The following ZNF558 variants were observed in gnomAD, a reference collection of about 807,000 sequenced individuals.
The protein encoded by ZNF558 is zinc finger protein 558.
A neutral mutation model predicts 37.6 loss-of-function variants in ZNF558; 23 were observed. The ratio of observed to expected loss-of-function variants is 0.61; its 90% confidence interval spans 0.44 to 0.87. The LOEUF is 0.87. Ranked by LOEUF, ZNF558 falls within the 40% of genes least tolerant of loss-of-function variation. The pLI is 0.00. For synonymous variants in ZNF558, 189 were observed against 174.4 expected, an observed-to-expected ratio of 1.08 and a Z score of -0.66; for missense variants, 429 against 483.7, an observed-to-expected ratio of 0.89 and a Z score of 1.06.
chr19:8,819,339 CCTGG>C (rs2044023953), intron 7 of ZNF558, among the ~76,000 whole-genome samples: 1 of 152,094 alleles, frequency 6.6e-6, no homozygotes, highest in African/African-American at 2.4e-5. Flanking sequence ...TGCCACCACG[CCTGG>C]CTAATTTTTG....
In ZNF558 at chr19:8,811,901, T is replaced by C. The variant is rs201554804; in HGVS notation, c.589A>G (p.Ile197Val). 11 of 1,614,044 alleles carry C rather than the reference T, an allele frequency of 6.8e-6. No homozygotes were observed. Among genetic ancestry groups the C allele is most frequent in the Admixed American group, 1.7e-5 (1 of 60,006 alleles). ...KSFSSRSYLTIHKRIHNGEKP... is the reference protein window; with the variant it reads ...KSFSSRSYLTVHKRIHNGEKP... ...TCCCCATTATGGATTCTCTTATGAA[T>C]AGTAAGGTAAGATCTGCTACTGAAG... The change falls in exon 10 of 10, where the codon ATT becomes GTT. Residue 197 changes from isoleucine to valine, a missense_variant. By Grantham distance (29) the Ile-to-Val change is conservative. Coordinates refer to ENST00000601372, the MANE Select transcript of ZNF558 (RefSeq NM_144693.3).
the ZNF558 span, among the ~76,000 whole-genome samples, chr19:8,838,031 G>A: frequency 8.6e-4 from 130 of 151,778 alleles, no homozygotes; most frequent in African/African-American, 3.0e-3. Flanking sequence ...GGCGGATCAT[G>A]ACATCAAGAG....
chr19:8,808,163 C>T lies in ZNF558; in HGVS notation c.*3118G>A, dbSNP rs1413165986. 1 of 152,074 alleles carries T rather than the reference C, an allele frequency of 6.6e-6. No homozygotes were observed. The highest frequency in any genetic ancestry group is 1.5e-5 in the Non-Finnish European group (1 of 68,018). 9.4% of individuals were successfully genotyped at this position (152,074 alleles called of 1,614,324 possible). A position where few individuals can be genotyped will look rare whatever the true frequency, so the allele number is the denominator to read the frequency against. ...TCTACTAAAAATATAAAAAAATTAC[C>T]TGGGCGTGGTGGCAGGTGCCTGTAA... On this transcript the variant is annotated 3_prime_UTR_variant, in exon 10 of 10. Coordinates refer to ENST00000601372, the MANE Select transcript of ZNF558 (RefSeq NM_144693.3).
At chr19:8,814,180 ATG>A (rs2043870432) in intron 7 of ZNF558, among the ~76,000 whole-genome samples, 2 of 152,338 alleles carry the variant, frequency 1.3e-5, no homozygotes, top group Middle Eastern at 3.4e-3. Flanking sequence ...GATACTTTAA[ATG>A]GACCTCTTTC....
chr19:8,821,055 TTA>T, intron 7 of ZNF558, 123 bp downstream of exon 7: 1 of 1,416,818 alleles, frequency 7.1e-7, no homozygotes. Context: ...ACTGGATATC[TTA>T]GAATGGTTAA....
At chr19:8,814,082 G>A (rs183170992) in intron 7 of ZNF558, among the ~76,000 whole-genome samples, 128 of 152,322 alleles carry the variant, frequency 8.4e-4, no homozygotes, top group Non-Finnish European at 8.1e-4. Context: ...CAACTTTATC[G>A]GAATTCTTGA....
upstream of ZNF558, chr19:8,833,234 C>G (rs2044405778): frequency 6.6e-6 from 1 of 152,134 alleles, no homozygotes; most frequent in Non-Finnish European, 1.5e-5. Flanking sequence ...GTTCATACAA[C>G]CCAATAGGAT....
In ZNF558 at chr19:8,808,968, T is replaced by G. The variant is rs530755092; in HGVS notation, c.*2313A>C. On this transcript the variant is annotated 3_prime_UTR_variant, in exon 10 of 10. Coordinates refer to ENST00000601372, the MANE Select transcript of ZNF558 (RefSeq NM_144693.3). Reference sequence around the variant, plus strand: ...CTAATCTTTATACTTTTAGTAGAGATAGGGTTTCACCACGTTGGCCAGGAT... The same window carrying G: ...CTAATCTTTATACTTTTAGTAGAGAGAGGGTTTCACCACGTTGGCCAGGAT... 6.6e-6 allele frequency: 1 copy of G among 151,994 alleles called. No individual in the cohort carries two copies. The highest frequency in any genetic ancestry group is 2.4e-5 in the African/African-American group (1 of 41,390). The allele number at this position is 151,994 out of a possible 1,614,324, so 9.4% of individuals were successfully genotyped here.
At position 8,824,438 on chromosome 19, in the gene ZNF558, G is replaced by T. The variant is rs1187527339; in HGVS notation, c.-401-21C>A. Reference sequence around the variant, plus strand: ...AATTCCTGAAACACAAAAACAGTGAGAGACGATACATGGTCATTGTTTCAA... The same window carrying T: ...AATTCCTGAAACACAAAAACAGTGATAGACGATACATGGTCATTGTTTCAA... On this transcript the variant is annotated intron_variant, in intron 3 of 9. Coordinates refer to ENST00000601372, the MANE Select transcript of ZNF558 (RefSeq NM_144693.3). 7 of 152,340 alleles carry T rather than the reference G, an allele frequency of 4.6e-5. No individual in the cohort carries two copies. In the East Asian group the frequency reaches 1.4e-3, roughly 29 times the overall value. 9.4% of individuals were successfully genotyped at this position (152,340 alleles called of 1,614,324 possible).
chr19:8,813,541 T>C (rs1482557847), intron 7 of ZNF558, among the ~76,000 whole-genome samples: 1 of 152,118 alleles, frequency 6.6e-6, no homozygotes, highest in African/African-American at 2.4e-5. Flanking sequence ...GTATTTTTAG[T>C]AGAGACGGGG....
upstream of ZNF558, chr19:8,833,119 T>A (rs2044403215): frequency 6.6e-6 from 1 of 152,128 alleles, no homozygotes; most frequent in African/African-American, 2.4e-5. Flanking sequence ...GGGTGTATGA[T>A]GTGGGTGGGT....
chr19:8,827,738 T>A lies in ZNF558; in HGVS notation c.-508-2630A>T, dbSNP rs139543383. On this transcript the variant is annotated intron_variant, in intron 2 of 9. Coordinates refer to ENST00000601372, the MANE Select transcript of ZNF558 (RefSeq NM_144693.3). ...ACAGGTGTGCACCACCACACCCAGC[T>A]AATTTTCGTATTTTTAGTAGAGACG... Among the ~76,000 whole-genome samples the A allele has an allele frequency of 1.6e-3, 238 of 152,138 alleles. 1 individual carries two copies. The highest frequency in any genetic ancestry group is 5.0e-3 in the African/African-American group (207 of 41,514).
Position 8,808,656 on chromosome 19 carries a change from C to T in ZNF558, c.*2625G>A, listed in dbSNP as rs825377. ...TTTCAAAGAAACAACATGGGTAAAA[C>T]TTGACCAATTTATAGGTTTACCAGT... On this transcript the variant is annotated 3_prime_UTR_variant, in exon 10 of 10. Transcript: ENST00000601372. 130,135 of 152,272 alleles carry T rather than the reference C, an allele frequency of 0.85. 56,043 individuals carry two copies. The highest frequency in any genetic ancestry group is 0.96 in the African/African-American group (39,760 of 41,580). 9.4% of individuals were successfully genotyped at this position (152,272 alleles called of 1,614,324 possible).
chr19:8,834,894 T>C (rs1329643467), upstream of ZNF558, among the ~76,000 whole-genome samples: 1 of 152,102 alleles, frequency 6.6e-6, no homozygotes, highest in Non-Finnish European at 1.5e-5. Context: ...TTAAAAAACA[T>C]TGATGCTTCA....
Position 8,822,721 on chromosome 19 carries a change from C to A in ZNF558, c.-62G>T. ...AGGACGCTCCTCCTTTATCCCGCAG[C>A]GCTCTGGAAGAAACGGGAATGCTCC... On this transcript the variant is annotated 5_prime_UTR_variant, in exon 5 of 10. Transcript: ENST00000601372. The surrounding 1 kb of genome is among the most constrained non-coding windows in gnomAD (Gnocchi z 4.4). 1 of 1,613,272 alleles carries A rather than the reference C, an allele frequency of 6.2e-7. No individual in the cohort carries two copies. Among genetic ancestry groups the A allele is most frequent in the Non-Finnish European group, 8.5e-7 (1 of 1,179,750 alleles).
chr19:8,813,064 C>G (rs1555768897), intron 8 of ZNF558, 63 bp downstream of exon 8: 1 of 1,340,692 alleles, frequency 7.5e-7, no homozygotes, highest in East Asian at 2.5e-5. Flanking sequence ...TGTAATACTC[C>G]CAACCCCCAA....
chr19:8,829,770 A>G lies in ZNF558; in HGVS notation c.-509+1548T>C, dbSNP rs1022862440. On this transcript the variant is annotated intron_variant, in intron 2 of 9. Coordinates refer to ENST00000601372, the MANE Select transcript of ZNF558 (RefSeq NM_144693.3). ...TCACCATTAACTGTGCACTCAAATA[A>G]TATCTATTGCATGATAAGTAAACAT... Among the ~76,000 whole-genome samples the G allele has an allele frequency of 2.0e-5, 3 of 152,178 alleles. No individual in the cohort carries two copies. In the South Asian group the frequency reaches 6.2e-4, roughly 31 times the overall value.
At position 8,811,321 on chromosome 19, in the gene ZNF558, T is replaced by C. The variant is rs782253032; in HGVS notation, c.1169A>G (p.Tyr390Cys). The C allele has an allele frequency of 2.5e-6, 4 of 1,605,908 alleles. No individual in the cohort carries two copies. Among genetic ancestry groups the C allele is most frequent in the South Asian group, 2.2e-5 (2 of 89,780 alleles). The change falls in exon 10 of 10, where the codon TAT becomes TGT. Residue 390 changes from tyrosine to cysteine, a missense_variant. Transcript: ENST00000601372. ...ATGTATTCTCTTGTGCACAGAAAGA[T>C]AGGAGTTACTTGTGAAGGATTTCCC... The part of the protein sequence containing the change: ...HCGKSFTSNS[Y>C]LSVHKRIHNR...
intron 7 of ZNF558, among the ~76,000 whole-genome samples, chr19:8,814,695 G>A (rs1382351775): frequency 3.9e-5 from 6 of 152,120 alleles, no homozygotes; most frequent in Non-Finnish European, 7.3e-5. Context: ...AAGTATTAAA[G>A]GCATGTCCCT....
Sources: allele counts gnomAD v4.1 joint callset (sites outside exome capture counted in the v4.1 genomes callset), GRCh38; gene constraint gnomAD v4.1.1; non-coding constraint Gnocchi (gnomAD v3.1); transcripts MANE v1.5; gene names NCBI Gene and HGNC (gene_info 2026-07-23, HGNC 2026-07-21).